TRAPPC10: variants seen among roughly 807,000 people sequenced by gnomAD.
TRAPPC10 encodes TRAPP 130 kDa subunit.
TRAPPC10 carries 23 observed loss-of-function variants against 125.5 expected under a neutral mutation model. That is an observed-to-expected ratio of 0.18 (90% CI 0.13 to 0.26). The LOEUF (loss-of-function observed/expected upper bound fraction) is 0.26. Among genes scored for constraint, TRAPPC10 ranks in the 10% least tolerant of loss-of-function variants. The pLI is 1.00. For synonymous variants in TRAPPC10, 509 were observed against 518.0 expected (o/e 0.98, Z 0.24); for missense variants, 1,123 against 1,308.4 (o/e 0.86, Z 2.19).
chr21:44,072,569 T>C (rs1455740255), intron 7 of TRAPPC10, among the ~76,000 whole-genome samples: 1 of 152,202 alleles, frequency 6.6e-6, no homozygotes, highest in South Asian at 2.1e-4. Flanking sequence ...GTTCAAATGA[T>C]TCTCCTGTCT....
intron 2 of TRAPPC10, among the ~76,000 whole-genome samples, chr21:44,034,490 C>G (rs1009131511): frequency 1.3e-5 from 2 of 152,144 alleles, no homozygotes; most frequent in African/African-American, 4.8e-5. Context: ...CAGCTCCGCT[C>G]CGGGAACTCT....
chr21:44,036,864 G>A (rs760901484), intron 2 of TRAPPC10, among the ~76,000 whole-genome samples: 4 of 152,144 alleles, frequency 2.6e-5, no homozygotes, highest in Admixed American at 6.5e-5. Flanking sequence ...CTTAAGTTAC[G>A]TACTGAGAAT....
At chr21:44,050,197 A>T (rs1223838186) in intron 3 of TRAPPC10, among the ~76,000 whole-genome samples, 1 of 148,280 alleles carries the variant, frequency 6.7e-6, no homozygotes, top group African/African-American at 2.5e-5. Flanking sequence ...AGCTGGGATG[A>T]GTGATAGGCT....
In TRAPPC10 at chr21:44,074,565, C is replaced by T. The variant is rs559357832; in HGVS notation, c.1185+95C>T. On this transcript the variant is annotated intron_variant, in intron 8 of 22. Transcript: ENST00000291574. ...TGCTGTTTGGAGGAGAGGTGTTGCTCATTTAGATCACGATGCATCCACTTT... is the reference window on the plus strand; with the variant it reads ...TGCTGTTTGGAGGAGAGGTGTTGCTTATTTAGATCACGATGCATCCACTTT... The T allele has an allele frequency of 4.5e-5, 69 of 1,524,680 alleles. No individual in the cohort carries two copies. In the African/African-American group the frequency reaches 8.3e-4, roughly 18 times the overall value. The allele number at this position is 1,524,680 out of a possible 1,614,324, so 94.4% of individuals were successfully genotyped here. A position where few individuals can be genotyped will look rare whatever the true frequency, so the allele number is the denominator to read the frequency against.
chr21:44,046,098 C>T (rs1425099098), intron 3 of TRAPPC10, among the ~76,000 whole-genome samples: 1 of 152,118 alleles, frequency 6.6e-6, no homozygotes, highest in African/African-American at 2.4e-5. Context: ...AAAAAACAGT[C>T]AACTCAGTCA....
intron 18 of TRAPPC10, among the ~76,000 whole-genome samples, chr21:44,091,251 A>G (rs2038556331): frequency 6.6e-6 from 1 of 152,168 alleles, no homozygotes; most frequent in Non-Finnish European, 1.5e-5. Flanking sequence ...AATGGATATA[A>G]GCCCCGCCTA....
At chr21:44,079,456 GT>G in intron 11 of TRAPPC10, 107 bp from the exon 12 acceptor site, 2 of 1,307,730 alleles carry the variant, frequency 1.5e-6, no homozygotes, top group Non-Finnish European at 2.1e-6. Context: ...TGTTGAGTCT[GT>G]CCTGGCATGG....
chr21:44,072,437 T>C (rs1386354632), intron 7 of TRAPPC10, among the ~76,000 whole-genome samples: 6 of 152,206 alleles, frequency 3.9e-5, no homozygotes, highest in Non-Finnish European at 7.4e-5. Context: ...TCCTGCTTTG[T>C]AAGAGTCTCT....
chr21:44,075,905 C>T (rs559680464), intron 9 of TRAPPC10, among the ~76,000 whole-genome samples: 239 of 152,162 alleles, frequency 1.6e-3, no homozygotes, highest in African/African-American at 5.3e-3. Flanking sequence ...CAAAATTAGC[C>T]GGGTGTGGTG....
At chr21:44,027,335 G>C (rs1002255651) in intron 1 of TRAPPC10, among the ~76,000 whole-genome samples, 2 of 152,128 alleles carry the variant, frequency 1.3e-5, no homozygotes, top group Non-Finnish European at 2.9e-5. Context: ...TTATACTTTT[G>C]TATGAGTAAG....
rs968577499 is a variant in TRAPPC10 at position 44,087,748 on chromosome 21, G to A, written c.2589G>A (p.Thr863=). 8.1e-6 allele frequency: 13 copies of A among 1,614,052 alleles called. No individual in the cohort carries two copies. The highest frequency in any genetic ancestry group is 2.2e-5 in the East Asian group (1 of 44,898). ...ALRIQSSDKV[T]SISLPVAPAY... ...GGATTCAGTCCTCCGACAAGGTCAC[G>A]AGCATCAGTCTGCCTGTTGCGCCTG... Residue 863 remains threonine (T), a synonymous_variant, in exon 17 of 23, where the codon ACG becomes ACA. Coordinates refer to ENST00000291574, the MANE Select transcript of TRAPPC10 (RefSeq NM_003274.5). This position sits in a 1 kb window ranked among gnomAD's most constrained non-coding sequence, Gnocchi z 4.6.
chr21:44,091,695 C>T (rs1301036125), intron 18 of TRAPPC10: 2 of 380,772 alleles, frequency 5.3e-6, no homozygotes, highest in Non-Finnish European at 9.9e-6. Flanking sequence ...ACCTCGGCCT[C>T]CCAAAGTGCT....
chr21:44,032,700 C>T (rs896698407), intron 2 of TRAPPC10, among the ~76,000 whole-genome samples: 6 of 152,054 alleles, frequency 3.9e-5, no homozygotes, highest in Admixed American at 2.6e-4. Context: ...TTTTTCTTAA[C>T]GAGACATTGG....
chr21:44,073,889 A>G (rs553576111), intron 7 of TRAPPC10, among the ~76,000 whole-genome samples: 1 of 152,216 alleles, frequency 6.6e-6, no homozygotes, highest in African/African-American at 2.4e-5. Flanking sequence ...TTGAGGTCTT[A>G]GTTTTCCCTC....
chr21:44,089,255 G>T, intron 17 of TRAPPC10: 1 of 343,438 alleles, frequency 2.9e-6, no homozygotes, highest in Non-Finnish European at 5.8e-6. Flanking sequence ...GTGTGCTGGG[G>T]TATTCACCTC....
rs539944130 is a variant in TRAPPC10, at chr21:44,021,627, G to A, written c.67+9067G>A. ...AATCTCAGACATATAATTTATCCAC[G>A]AATGGATGTTATGGACTGAACATTT... On this transcript the variant is annotated intron_variant, in intron 1 of 22. Coordinates refer to ENST00000291574, the MANE Select transcript of TRAPPC10 (RefSeq NM_003274.5). Among the ~76,000 whole-genome samples the A allele has an allele frequency of 5.9e-5, 9 of 152,196 alleles. No individual in the cohort carries two copies. The East Asian group carries it at 1.4e-3, about 23-fold the overall frequency.
chr21:44,018,100 C>T (rs2032074913), intron 1 of TRAPPC10, among the ~76,000 whole-genome samples: 1 of 151,560 alleles, frequency 6.6e-6, no homozygotes, highest in Non-Finnish European at 1.5e-5. Context: ...TGAAGAGTTT[C>T]TAGTAAGTTC....
intron 12 of TRAPPC10, 107 bp downstream of exon 12, chr21:44,079,811 C>G (rs1030251621): frequency 1.6e-6 from 2 of 1,273,700 alleles, no homozygotes; most frequent in African/African-American, 1.5e-5. Context: ...AGAGAAAAGT[C>G]CTAACTTATA....
intron 19 of TRAPPC10, 111 bp downstream of exon 19, chr21:44,092,160 G>A: frequency 7.2e-7 from 1 of 1,381,776 alleles, no homozygotes; most frequent in African/African-American, 1.4e-5. Flanking sequence ...CTGCACTGCT[G>A]ATGAGTAAAG....
Sources: allele counts gnomAD v4.1 joint callset (sites outside exome capture counted in the v4.1 genomes callset), GRCh38; gene constraint gnomAD v4.1.1; non-coding constraint Gnocchi (gnomAD v3.1); transcripts MANE v1.5; gene names NCBI Gene and HGNC (gene_info 2026-07-23, HGNC 2026-07-21).